The following LRMDA variants were observed in gnomAD, a reference collection of about 807,000 sequenced individuals.
LRMDA encodes leucine-rich melanocyte differentiation-associated protein.
A neutral mutation model predicts 29.8 loss-of-function variants in LRMDA; 18 were observed. The observed-to-expected ratio is 0.60, with a 90% CI of 0.42 to 0.90. The LOEUF is 0.90. Among genes scored for constraint, LRMDA ranks in the 40% least tolerant of loss-of-function variants. The pLI, the probability that LRMDA is intolerant of heterozygous loss-of-function variation, is 0.00. For synonymous variants in LRMDA, 125 were observed against 109.4 expected (o/e 1.14, Z -0.89); for missense variants, 273 against 273.9 (o/e 1.00, Z 0.02).
At chr10:75,981,663 C>T (rs1351523020) in intron 2 of LRMDA, among the ~76,000 whole-genome samples, 1 of 151,958 alleles carries the variant, frequency 6.6e-6, no homozygotes, top group East Asian at 1.9e-4. Context: ...ACCATCCTGG[C>T]CAACTTGGTG....
At chr10:76,034,162 G>A (rs1471577918) in intron 2 of LRMDA, among the ~76,000 whole-genome samples, 1 of 152,162 alleles carries the variant, frequency 6.6e-6, no homozygotes, top group Non-Finnish European at 1.5e-5. Context: ...CTGCCTAGAT[G>A]TGCGTACATT....
chr10:75,584,169 AG>A (rs1840629372), intron 2 of LRMDA, among the ~76,000 whole-genome samples: 1 of 151,862 alleles, frequency 6.6e-6, no homozygotes, highest in Non-Finnish European at 1.5e-5. Context: ...TGCTCCCCAT[AG>A]GCCTTTTATT....
intron 5 of LRMDA, among the ~76,000 whole-genome samples, chr10:76,316,349 G>A (rs919233069): frequency 1.3e-5 from 2 of 152,332 alleles, no homozygotes; most frequent in East Asian, 1.9e-4. Context: ...ACTGGCACTT[G>A]GAGCTGCCTG....
intron 5 of LRMDA, among the ~76,000 whole-genome samples, chr10:76,235,123 T>C (rs910182235): frequency 1.3e-5 from 2 of 152,200 alleles, no homozygotes; most frequent in African/African-American, 4.8e-5. Flanking sequence ...GAAGCCATTG[T>C]AGAGTTATAA....
intron 5 of LRMDA, among the ~76,000 whole-genome samples, chr10:76,142,945 G>A (rs1369151540): frequency 6.6e-6 from 1 of 150,476 alleles, no homozygotes; most frequent in Non-Finnish European, 1.5e-5. Context: ...TGCGGTGTTT[G>A]GTTTTTTGTC....
intron 2 of LRMDA, among the ~76,000 whole-genome samples, chr10:75,537,139 A>G (rs952833885): frequency 2.6e-5 from 4 of 152,124 alleles, no homozygotes; most frequent in Admixed American, 1.3e-4. Flanking sequence ...CTATATGCTG[A>G]AGAGCTTTCT....
chr10:76,006,983 C>CGTGTGTGTGTGT (rs572881040), intron 2 of LRMDA, among the ~76,000 whole-genome samples: 4,972 of 115,902 alleles, frequency 0.043, 213 homozygotes, highest in East Asian at 0.061. Context: ...ATGGAGAAGG[C>CGTGTGTGTGTGT]GTGTGTGTGT....
At chr10:75,772,579 T>C (rs1843255256) in intron 2 of LRMDA, among the ~76,000 whole-genome samples, 2 of 152,176 alleles carry the variant, frequency 1.3e-5, no homozygotes. Flanking sequence ...ACCGGTCAAT[T>C]CGCTAATGAA....
chr10:76,227,115 G>A (rs1851973641), intron 5 of LRMDA, among the ~76,000 whole-genome samples: 1 of 152,182 alleles, frequency 6.6e-6, no homozygotes, highest in South Asian at 2.1e-4. Context: ...AATTAGTTCA[G>A]ATAAGCAGGA....
chr10:75,984,639 G>A lies in LRMDA; in HGVS notation c.132-51369G>A, dbSNP rs1040987588. Among the ~76,000 whole-genome samples the A allele has an allele frequency of 3.9e-5, 6 of 152,234 alleles. No homozygotes were observed. The South Asian group carries it at 6.2e-4, about 16-fold the overall frequency. On this transcript the variant is annotated intron_variant, in intron 2 of 6. Coordinates refer to ENST00000611255, the MANE Select transcript of LRMDA (RefSeq NM_001305581.2). ...CCGCATCATCCTACATAAGATCAGC[G>A]CATGTCACAGCCAGGCAGAGGGCTC...
rs367887118 is a variant in LRMDA at position 76,219,190 on chromosome 10, G to A, written c.517-105211G>A. ...AAATTGTAAAGACCATCGAGGCTAG[G>A]AAGAAACTGCATCAACTAACGAGCA... On this transcript the variant is annotated intron_variant, in intron 5 of 6. Coordinates refer to ENST00000611255, the MANE Select transcript of LRMDA (RefSeq NM_001305581.2). Among the ~76,000 whole-genome samples, 1,396 of 152,288 alleles carry A rather than the reference G, an allele frequency of 9.2e-3. 23 individuals carry two copies. The highest frequency in any genetic ancestry group is 0.031 in the African/African-American group (1,293 of 41,554).
intron 2 of LRMDA, among the ~76,000 whole-genome samples, chr10:75,570,554 TA>T (rs1437277570): frequency 1.3e-5 from 2 of 152,174 alleles, no homozygotes; most frequent in Non-Finnish European, 2.9e-5. Context: ...TACATCTAAA[TA>T]GTGATGTGGG....
chr10:75,620,777 A>G (rs1841171083), intron 2 of LRMDA, among the ~76,000 whole-genome samples: 1 of 152,160 alleles, frequency 6.6e-6, no homozygotes, highest in African/African-American at 2.4e-5. Context: ...ACATTTGGCA[A>G]TTAATTCTTA....
chr10:75,889,132 T>G (rs897002358), intron 2 of LRMDA, among the ~76,000 whole-genome samples: 1 of 152,120 alleles, frequency 6.6e-6, no homozygotes, highest in Non-Finnish European at 1.5e-5. Flanking sequence ...GCTCCAAGGG[T>G]GTTTGTGGAG....
intron 2 of LRMDA, among the ~76,000 whole-genome samples, chr10:75,949,002 TTG>T (rs916543409): frequency 3.9e-5 from 6 of 151,920 alleles, no homozygotes; most frequent in African/African-American, 1.4e-4. Context: ...TTCTAAGCTT[TTG>T]TGTGTGTGTG....
chr10:75,458,206 A>G (rs186089465), intron 2 of LRMDA, among the ~76,000 whole-genome samples: 2 of 152,376 alleles, frequency 1.3e-5, no homozygotes, highest in Admixed American at 6.5e-5. Flanking sequence ...CTGAAAGAGT[A>G]GATATCCCAA....
intron 6 of LRMDA, among the ~76,000 whole-genome samples, chr10:76,481,526 AC>A (rs1264025124): frequency 3.9e-5 from 6 of 151,962 alleles, no homozygotes; most frequent in Non-Finnish European, 1.5e-5. Flanking sequence ...GCAGGGTCTC[AC>A]AAGGATCACT....
chr10:76,036,043 A>G lies in LRMDA; in HGVS notation c.167A>G (p.Glu56Gly), dbSNP rs199587334. The G allele has an allele frequency of 1.4e-5, 23 of 1,614,104 alleles. No individual in the cohort carries two copies. Among genetic ancestry groups the G allele is most frequent in the Non-Finnish European group, 1.4e-5 (17 of 1,180,018 alleles). Reference protein sequence around the residue: ...LEGLSAFRSLEELILDNNQLG... With the variant: ...LEGLSAFRSLGELILDNNQLG... The stretch of plus-strand genomic sequence containing the variant: ...GGACTGAGCGCATTCAGGAGCCTGG[A>G]GGAACTCATCTTGGACAACAATCAG... The change falls in exon 3 of 7, where the codon GAG becomes GGG. Residue 56 changes from glutamate to glycine, a missense_variant. Coordinates refer to ENST00000611255, the MANE Select transcript of LRMDA (RefSeq NM_001305581.2).
At position 75,709,356 on chromosome 10, in the gene LRMDA, GTGTC is replaced by G. The variant is rs944785782; in HGVS notation, c.131+270866_131+270869del. ...TGTGCATGTGCATGCATAAGTGTGTGTGTCTGTGTGTGCGTGCATGCGTATGTGT... is the reference window on the plus strand; with the variant it reads ...TGTGCATGTGCATGCATAAGTGTGTGTGTGTGTGCGTGCATGCGTATGTGT... On this transcript the variant is annotated intron_variant, in intron 2 of 6. Transcript: ENST00000611255. 5.3e-5 allele frequency among the ~76,000 whole-genome samples: 8 copies of G among 151,758 alleles called. No individual in the cohort carries two copies. In the East Asian group the frequency reaches 5.8e-4, roughly 11 times the overall value.
Sources: gnomAD v4.1 joint callset for allele counts (sites outside exome capture counted in the v4.1 genomes callset) on GRCh38, gnomAD v4.1.1 for gene constraint, MANE v1.5 for transcripts, NCBI Gene and HGNC (gene_info 2026-07-23, HGNC 2026-07-21) for gene names.